Variants in RBFOX1 observed in about 807,000 individuals in gnomAD.
The protein encoded by RBFOX1 is RNA binding protein fox-1 homolog 1.
In RBFOX1, 8 loss-of-function variants were observed where a neutral mutation model predicts 57.7. That is an observed-to-expected ratio of 0.14 (90% CI 0.08 to 0.25). The LOEUF (loss-of-function observed/expected upper bound fraction) is 0.25, where lower values mean the gene tolerates loss of function less well. RBFOX1 is among the 10% of genes least tolerant of loss of function. The pLI is 1.00. For missense variants in RBFOX1, 611 were observed against 548.5 expected (o/e 1.11, Z -1.14); for synonymous variants, 326 against 222.4 (o/e 1.47, Z -4.15).
At chr16:6,898,144 A>C (rs2067427626) in intron 3 of RBFOX1, among the ~76,000 whole-genome samples, 1 of 152,196 alleles carries the variant, frequency 6.6e-6, no homozygotes, top group South Asian at 2.1e-4. Context: ...ATTTTGCCAA[A>C]TCATGCATCA....
intron 4 of RBFOX1, among the ~76,000 whole-genome samples, chr16:7,052,989 A>G (rs577961683): frequency 6.6e-6 from 1 of 152,312 alleles, no homozygotes; most frequent in East Asian, 1.9e-4. Flanking sequence ...CAACAGTGGG[A>G]TTTGGCGTTA....
chr16:7,067,626 G>C (rs927049267), intron 4 of RBFOX1, among the ~76,000 whole-genome samples: 6 of 151,388 alleles, frequency 4.0e-5, no homozygotes, highest in Non-Finnish European at 8.8e-5. Flanking sequence ...TGTTGGTGTG[G>C]TGCACCCATT....
chr16:5,263,448 TA>T (rs1251667271), intron 1 of RBFOX1, among the ~76,000 whole-genome samples: 2 of 152,120 alleles, frequency 1.3e-5, no homozygotes, highest in Non-Finnish European at 2.9e-5. Flanking sequence ...CTTGAGGGCA[TA>T]GCAGGGATAA....
intron 2 of RBFOX1, among the ~76,000 whole-genome samples, chr16:6,495,420 C>T (rs560786883): frequency 1.4e-4 from 21 of 151,760 alleles, no homozygotes; most frequent in Middle Eastern, 3.4e-3. Context: ...CTTGAGCTTC[C>T]GCGCCTGGCA....
chr16:5,268,421 A>G (rs1389562936), intron 1 of RBFOX1, among the ~76,000 whole-genome samples: 4 of 152,244 alleles, frequency 2.6e-5, no homozygotes. Flanking sequence ...CTTAGTCAAG[A>G]GTTAGGATTT....
intron 3 of RBFOX1, among the ~76,000 whole-genome samples, chr16:5,830,497 A>G (rs1328331449): frequency 5.3e-5 from 8 of 152,010 alleles, no homozygotes; most frequent in South Asian, 2.1e-4. Flanking sequence ...GTGGGGGCTG[A>G]GTAATATCTG....
chr16:7,571,857 C>T (rs185329299), intron 5 of RBFOX1, among the ~76,000 whole-genome samples: 111 of 152,258 alleles, frequency 7.3e-4, no homozygotes, highest in African/African-American at 2.6e-3. Context: ...GGCCCGGCGC[C>T]GTGGCTCAGG....
At chr16:6,798,875 ACT>A (rs1245940035) in intron 3 of RBFOX1, among the ~76,000 whole-genome samples, 2 of 151,720 alleles carry the variant, frequency 1.3e-5, no homozygotes, top group African/African-American at 2.4e-5. Context: ...TGAACTGATG[ACT>A]CTTCCTTTCT....
At chr16:6,298,234 C>A (rs935545048) in intron 1 of RBFOX1, among the ~76,000 whole-genome samples, 1 of 152,158 alleles carries the variant, frequency 6.6e-6, no homozygotes, top group Non-Finnish European at 1.5e-5. Flanking sequence ...TCATGTCCTG[C>A]GAGGGGGTCA....
At chr16:6,559,131 GTGTA>G (rs1448078664) in intron 2 of RBFOX1, among the ~76,000 whole-genome samples, 1 of 148,060 alleles carries the variant, frequency 6.8e-6, no homozygotes, top group African/African-American at 2.6e-5. Context: ...GTGTGTGTGT[GTGTA>G]TATACATATG....
At chr16:5,652,509 C>T (rs548836039) in intron 3 of RBFOX1, among the ~76,000 whole-genome samples, 5 of 152,260 alleles carry the variant, frequency 3.3e-5, no homozygotes, top group Admixed American at 2.6e-4. Context: ...CTTTGTGCAA[C>T]AGGAGGGATG....
rs576622931 is a variant in RBFOX1 at position 6,915,486 on chromosome 16, C to G, written c.-15-136571C>G. 1.5e-3 allele frequency among the ~76,000 whole-genome samples: 222 copies of G among 152,028 alleles called. 1 individual carries two copies. The highest frequency in any genetic ancestry group is 6.9e-3 in the Middle Eastern group (2 of 288). On this transcript the variant is annotated intron_variant, in intron 3 of 15. Coordinates refer to ENST00000550418, the MANE Select transcript of RBFOX1 (RefSeq NM_018723.4). ...TATTCCTTAAACAAATGACTTCCTA[C>G]TATAGCCTAAATCTAAAATCTAAAC...
At chr16:7,591,959 G>A (rs1214748474) in intron 7 of RBFOX1, among the ~76,000 whole-genome samples, 1 of 152,102 alleles carries the variant, frequency 6.6e-6, no homozygotes, top group Non-Finnish European at 1.5e-5. Context: ...TGCTCATAGA[G>A]AGGACCAGGT....
At chr16:7,490,915 T>C (rs1457773842) in intron 4 of RBFOX1, among the ~76,000 whole-genome samples, 1 of 152,172 alleles carries the variant, frequency 6.6e-6, no homozygotes, top group East Asian at 1.9e-4. Context: ...GATACATAGA[T>C]TCTTAGACAG....
intron 1 of RBFOX1, chr16:5,366,823 T>A: frequency 4.1e-6 from 1 of 243,990 alleles, no homozygotes; most frequent in Non-Finnish European, 8.0e-6. Context: ...TGTCCAGGTT[T>A]CATTGCCAAG....
intron 3 of RBFOX1, among the ~76,000 whole-genome samples, chr16:6,675,859 A>G (rs896550725): frequency 6.6e-6 from 1 of 152,142 alleles, no homozygotes; most frequent in African/African-American, 2.4e-5. Context: ...AATGGGAGCT[A>G]CAGTTCACGA....
chr16:6,567,654 A>G (rs1036002229), intron 2 of RBFOX1, among the ~76,000 whole-genome samples: 1 of 152,120 alleles, frequency 6.6e-6, no homozygotes, highest in Non-Finnish European at 1.5e-5. Context: ...CCAGCACTAC[A>G]CCAGTGCCTG....
chr16:7,275,025 C>G (rs1567992789), intron 4 of RBFOX1, among the ~76,000 whole-genome samples: 2 of 152,128 alleles, frequency 1.3e-5, no homozygotes, highest in Admixed American at 1.3e-4. Context: ...GTTCAAGAAT[C>G]TGAGCAGGTG....
At chr16:6,758,055 C>T (rs768653097) in intron 3 of RBFOX1, among the ~76,000 whole-genome samples, 7 of 152,142 alleles carry the variant, frequency 4.6e-5, no homozygotes, top group Admixed American at 2.0e-4. Flanking sequence ...AAACTACTAT[C>T]TTCTTTATAC....
Sources: gnomAD v4.1 joint callset for allele counts (sites outside exome capture counted in the v4.1 genomes callset) on GRCh38, gnomAD v4.1.1 for gene constraint, MANE v1.5 for transcripts, NCBI Gene and HGNC (gene_info 2026-07-23, HGNC 2026-07-21) for gene names.